The following UNC13C variants were observed in gnomAD, a reference collection of about 807,000 sequenced individuals.
UNC13C encodes protein unc-13 homolog C.
A neutral mutation model predicts 245.4 loss-of-function variants in UNC13C; 174 were observed. The ratio of observed to expected loss-of-function variants is 0.71; its 90% CI spans 0.63 to 0.80. The LOEUF is 0.80. Ranked by LOEUF, UNC13C falls within the 30% of genes least tolerant of loss-of-function variation. The probability of loss-of-function intolerance (pLI) is 0.00; values close to 1 mark genes in which losing one functional copy is unlikely to be tolerated. For missense variants in UNC13C, 2,829 were observed against 2,602.9 expected (o/e 1.09, Z -1.89); for synonymous variants, 992 against 895.1 (o/e 1.11, Z -1.93).
intron 19 of UNC13C, among the ~76,000 whole-genome samples, chr15:54,457,726 C>T (rs1302959763): frequency 6.6e-6 from 1 of 151,798 alleles, no homozygotes. Flanking sequence ...AAATATCTCC[C>T]ATTTTGTTTC....
At position 54,332,335 on chromosome 15, in the gene UNC13C, G is replaced by GTGTA. The variant is rs777603712; in HGVS notation, c.4494+227_4494+228insATGT. Among the ~76,000 whole-genome samples the GTGTA allele has an allele frequency of 4.8e-3, 726 of 151,446 alleles. 9 individuals carry two copies. The highest frequency in any genetic ancestry group is 5.2e-3 in the Non-Finnish European group (352 of 67,820). ...TGTGTGTGTGTGTGTGTGTGTGTGT[G>GTGTA]TGTTTGTGTATGCACTTGCAGCTTT... On this transcript the variant is annotated intron_variant, in intron 15 of 32. Coordinates refer to ENST00000260323, the MANE Select transcript of UNC13C (RefSeq NM_001080534.3).
chr15:54,382,260 A>G (rs906003601), intron 17 of UNC13C, among the ~76,000 whole-genome samples: 2 of 152,176 alleles, frequency 1.3e-5, no homozygotes, highest in Non-Finnish European at 1.5e-5. Context: ...CTAAGAGGAA[A>G]GTTTATAGCA....
chr15:54,023,340 A>C (rs1895978086), intron 2 of UNC13C, among the ~76,000 whole-genome samples: 1 of 152,212 alleles, frequency 6.6e-6, no homozygotes, highest in African/African-American at 2.4e-5. Context: ...ATGAAAGATT[A>C]TGGCTTATGT....
chr15:54,535,351 A>T (rs1895942944), intron 26 of UNC13C, among the ~76,000 whole-genome samples: 1 of 152,208 alleles, frequency 6.6e-6, no homozygotes, highest in African/African-American at 2.4e-5. Flanking sequence ...ACACTGGAGT[A>T]TCTGGATTTA....
chr15:54,423,213 T>C (rs1380145755), intron 19 of UNC13C, among the ~76,000 whole-genome samples: 4 of 151,814 alleles, frequency 2.6e-5, no homozygotes, highest in Non-Finnish European at 5.9e-5. Flanking sequence ...ACTGATGGGT[T>C]GAAGCTAGCA....
chr15:54,417,042 G>A (rs1232988039), intron 19 of UNC13C: 1 of 443,716 alleles, frequency 2.3e-6, no homozygotes, highest in Non-Finnish European at 4.5e-6. Flanking sequence ...TAGCTCCCAG[G>A]AATAAACTTA....
In UNC13C at chr15:54,224,548, G is replaced by A. The variant is rs185005034; in HGVS notation, c.3072-10482G>A. Among the ~76,000 whole-genome samples, 1,328 of 152,138 alleles carry A rather than the reference G, an allele frequency of 8.7e-3. 8 individuals are homozygous for A. Among genetic ancestry groups the A allele is most frequent in the Middle Eastern group, 0.051 (15 of 294 alleles). On this transcript the variant is annotated intron_variant, in intron 4 of 32. Transcript: ENST00000260323. ...TTCGGTTTGCTAGTATTTTGTTAAGGATATTTGCATCAAATTAGTGTTCAT... is the reference window on the plus strand; with the variant it reads ...TTCGGTTTGCTAGTATTTTGTTAAGAATATTTGCATCAAATTAGTGTTCAT...
At chr15:54,514,212 A>T (rs986597751) in intron 24 of UNC13C, among the ~76,000 whole-genome samples, 1 of 152,210 alleles carries the variant, frequency 6.6e-6, no homozygotes, top group African/African-American at 2.4e-5. Context: ...ATTGAAAATT[A>T]TAGAATTCAC....
chr15:54,158,622 T>C (rs2032850969), intron 4 of UNC13C, among the ~76,000 whole-genome samples: 1 of 152,008 alleles, frequency 6.6e-6, no homozygotes, highest in Non-Finnish European at 1.5e-5. Context: ...CTTGGCCTAC[T>C]CTTTTTAATA....
intron 29 of UNC13C, among the ~76,000 whole-genome samples, chr15:54,561,056 A>G (rs1450343528): frequency 6.6e-6 from 1 of 151,942 alleles, no homozygotes; most frequent in African/African-American, 2.4e-5. Context: ...TCCCTCTCAA[A>G]GGAGCTGACT....
At chr15:54,601,373 A>T (rs566272213) in intron 30 of UNC13C, among the ~76,000 whole-genome samples, 1 of 152,280 alleles carries the variant, frequency 6.6e-6, no homozygotes, top group Admixed American at 6.5e-5. Context: ...CTACAAGAAT[A>T]TTACAGGAAA....
chr15:54,195,656 C>T (rs759931082), intron 4 of UNC13C, among the ~76,000 whole-genome samples: 2 of 152,086 alleles, frequency 1.3e-5, no homozygotes, highest in African/African-American at 4.8e-5. Flanking sequence ...CTTGCTCTTT[C>T]GTCTCTATAC....
chr15:53,922,376 G>A, the UNC13C span, among the ~76,000 whole-genome samples: 1 of 152,176 alleles, frequency 6.6e-6, no homozygotes, highest in African/African-American at 2.4e-5. Context: ...CTTATAAACT[G>A]AGAGACTTAC....
the UNC13C span, among the ~76,000 whole-genome samples, chr15:53,948,795 G>A: frequency 2.0e-5 from 3 of 151,764 alleles, no homozygotes; most frequent in African/African-American, 4.8e-5. Flanking sequence ...AAAAGGGGAC[G>A]GTGAAGGCAC....
At chr15:54,153,511 A>G (rs1299925732) in intron 4 of UNC13C, among the ~76,000 whole-genome samples, 1 of 152,076 alleles carries the variant, frequency 6.6e-6, no homozygotes, top group East Asian at 1.9e-4. Flanking sequence ...TGACAGTATC[A>G]GAGCTGAGAT....
At chr15:54,280,675 CATATAT>C (rs1406086669) in intron 10 of UNC13C, among the ~76,000 whole-genome samples, 54 of 81,818 alleles carry the variant, frequency 6.6e-4, no homozygotes, top group African/African-American at 4.5e-3. Flanking sequence ...CATACATATA[CATATAT>C]ACATATATAA....
the UNC13C span, among the ~76,000 whole-genome samples, chr15:53,935,193 G>A: frequency 4.0e-5 from 6 of 151,492 alleles, no homozygotes; most frequent in African/African-American, 1.5e-4. Context: ...TCTGATTTGA[G>A]GAGGAAGGGG....
chr15:54,235,284 G>A (rs922298911), intron 5 of UNC13C, among the ~76,000 whole-genome samples, 176 bp downstream of exon 5: 30 of 152,194 alleles, frequency 2.0e-4, no homozygotes, highest in African/African-American at 7.2e-4. Context: ...TCTATTAGAT[G>A]GAGGAGATAA....
chr15:54,076,536 A>G (rs1421711551), intron 2 of UNC13C, among the ~76,000 whole-genome samples: 1 of 152,082 alleles, frequency 6.6e-6, no homozygotes, highest in African/African-American at 2.4e-5. Flanking sequence ...AATGTGGGAA[A>G]CATTCAGGTT....
Sources: gnomAD v4.1 joint callset for allele counts (sites outside exome capture counted in the v4.1 genomes callset) on GRCh38, gnomAD v4.1.1 for gene constraint, MANE v1.5 for transcripts, NCBI Gene and HGNC (gene_info 2026-07-23, HGNC 2026-07-21) for gene names.